The following RAVER2 variants were observed in gnomAD, a reference collection of about 807,000 sequenced individuals.
RAVER2 encodes the protein ribonucleoprotein PTB-binding 2.
In RAVER2, 46 loss-of-function variants were observed where a neutral mutation model predicts 78.1. The observed-to-expected ratio is 0.59, with a 90% CI of 0.46 to 0.75. The LOEUF (loss-of-function observed/expected upper bound fraction) is 0.75, where lower values mean the gene tolerates loss of function less well. Among genes scored for constraint, RAVER2 ranks in the 30% least tolerant of loss-of-function variants. RAVER2 has a pLI of 0.00. For missense variants in RAVER2, 793 were observed against 837.5 expected, an observed-to-expected ratio of 0.95 and a Z score of 0.66; for synonymous variants, 311 against 313.3, an observed-to-expected ratio of 0.99 and a Z score of 0.08.
chr1:64,793,045 G>A (rs1433842112), intron 5 of RAVER2, among the ~76,000 whole-genome samples: 1 of 151,946 alleles, frequency 6.6e-6, no homozygotes, highest in African/African-American at 2.4e-5. Flanking sequence ...TCTACTAAAA[G>A]TACAAACATT....
At chr1:64,801,064 T>C (rs1287022853) in intron 5 of RAVER2, among the ~76,000 whole-genome samples, 1 of 149,310 alleles carries the variant, frequency 6.7e-6, no homozygotes, top group African/African-American at 2.5e-5. Context: ...CTGGACACTG[T>C]TTGTATATTT....
chr1:64,764,174 A>C (rs1652108977), intron 1 of RAVER2, among the ~76,000 whole-genome samples: 1 of 152,212 alleles, frequency 6.6e-6, no homozygotes, highest in Non-Finnish European at 1.5e-5. Flanking sequence ...TATTTAGGAC[A>C]GTATAATATT....
At chr1:64,755,220 T>G (rs1651818257) in intron 1 of RAVER2, among the ~76,000 whole-genome samples, 1 of 152,210 alleles carries the variant, frequency 6.6e-6, no homozygotes, top group South Asian at 2.1e-4. Flanking sequence ...TATCCTGATT[T>G]CTTAGTAAGA....
exon 12 of RAVER2, chr1:64,830,892 A>G: frequency 6.2e-7 from 1 of 1,613,108 alleles, no homozygotes; most frequent in Non-Finnish European, 8.5e-7. Flanking sequence ...TCTCTGCCCC[A>G]GAAGGTGGTT....
chr1:64,780,289 A>C (rs958966997), intron 3 of RAVER2, among the ~76,000 whole-genome samples: 8 of 152,144 alleles, frequency 5.3e-5, no homozygotes, highest in African/African-American at 1.9e-4. Context: ...GGATTATAAG[A>C]GGAATAGGGT....
exon 8 of RAVER2, chr1:64,805,032 G>A (rs759085960): frequency 1.2e-6 from 2 of 1,614,014 alleles, no homozygotes; most frequent in Non-Finnish European, 1.7e-6. Context: ...TGGTACTTCA[G>A]ACTGCACTAG....
chr1:64,769,243 G>T (rs1296328105), intron 2 of RAVER2, among the ~76,000 whole-genome samples: 2 of 151,852 alleles, frequency 1.3e-5, no homozygotes, highest in East Asian at 3.9e-4. Flanking sequence ...TTATCAAATG[G>T]TAATATTTTG....
At chr1:64,804,588 T>C (rs927841061) in intron 6 of RAVER2, 146 bp from the exon 7 acceptor site, 1 of 478,192 alleles carries the variant, frequency 2.1e-6, no homozygotes. Context: ...ATTAATTAGC[T>C]TTGTCTGATA....
intron 2 of RAVER2, among the ~76,000 whole-genome samples, chr1:64,770,899 GAA>G: frequency 6.6e-6 from 1 of 151,884 alleles, no homozygotes; most frequent in East Asian, 1.9e-4. Flanking sequence ...AACACAGAGA[GAA>G]AAAAGACTGT....
At chr1:64,773,712 G>A (rs950487702) in intron 2 of RAVER2, among the ~76,000 whole-genome samples, 1 of 152,188 alleles carries the variant, frequency 6.6e-6, no homozygotes, top group Admixed American at 6.5e-5. Flanking sequence ...GGGATAGCTA[G>A]GTTAAATGAT....
At chr1:64,804,926 G>A (rs72675429) in intron 7 of RAVER2, 65 bp from the exon 8 acceptor site, 62 of 1,539,166 alleles carry the variant, frequency 4.0e-5, no homozygotes, top group Non-Finnish European at 4.9e-5. Context: ...GAATTTTCAC[G>A]TGTGTAGCTT....
chr1:64,799,235 G>C (rs899083080), intron 5 of RAVER2, among the ~76,000 whole-genome samples: 3 of 152,064 alleles, frequency 2.0e-5, no homozygotes, highest in East Asian at 1.9e-4. Flanking sequence ...TGTCCTCCAG[G>C]TTGCTGCAAA....
chr1:64,823,802 ATTTT>A (rs759134955), intron 11 of RAVER2, among the ~76,000 whole-genome samples: 2 of 122,836 alleles, frequency 1.6e-5, no homozygotes. Context: ...GTAAGTTGTG[ATTTT>A]TTTTTTTTTT....
intron 1 of RAVER2, among the ~76,000 whole-genome samples, chr1:64,748,380 C>T (rs1651600977): frequency 6.6e-6 from 1 of 152,200 alleles, no homozygotes; most frequent in Non-Finnish European, 1.5e-5. Flanking sequence ...ATTTTAGCTC[C>T]TTCTGCATGC....
chr1:64,818,430 G>T (rs1653805169), intron 11 of RAVER2, among the ~76,000 whole-genome samples: 1 of 152,144 alleles, frequency 6.6e-6, no homozygotes, highest in African/African-American at 2.4e-5. Context: ...CAGCTACTTG[G>T]GAGGCTGAGG....
At chr1:64,788,920 GCTGAT>G (rs1652861011) in intron 4 of RAVER2, among the ~76,000 whole-genome samples, 1 of 152,052 alleles carries the variant, frequency 6.6e-6, no homozygotes, top group Non-Finnish European at 1.5e-5. Flanking sequence ...TGTCACCCAG[GCTGAT>G]CTTGACCTCC....
intron 1 of RAVER2, among the ~76,000 whole-genome samples, chr1:64,755,426 A>C (rs1215757444): frequency 6.6e-6 from 1 of 152,044 alleles, no homozygotes; most frequent in African/African-American, 2.4e-5. Context: ...TTTTATTTCC[A>C]TATGAATGCC....
chr1:64,824,755 C>A (rs959173684), intron 11 of RAVER2, among the ~76,000 whole-genome samples: 8 of 151,546 alleles, frequency 5.3e-5, no homozygotes, highest in African/African-American at 1.9e-4. Context: ...CAGGGCGAAA[C>A]CCCGTCTCTA....
rs1189504237 is a variant in RAVER2, at chr1:64,778,125, T to A, written c.786+33T>A. 5 of 1,429,122 alleles carry A rather than the reference T, an allele frequency of 3.5e-6. No individual in the cohort carries two copies. The East Asian group carries it at 9.8e-5, about 28-fold the overall frequency. 88.5% of individuals were successfully genotyped at this position (1,429,122 alleles called of 1,614,324 possible). ...TTTTTAAGAGATTATTGAAATATTT[T>A]AAAATATATACATATGTATCTAATC... is the stretch of plus-strand genomic sequence containing the variant. On this transcript the variant is annotated intron_variant, in intron 3 of 11. Coordinates refer to ENST00000294428, the Ensembl canonical transcript of RAVER2.
Sources: allele counts gnomAD v4.1 joint callset (sites outside exome capture counted in the v4.1 genomes callset), GRCh38; gene constraint gnomAD v4.1.1; transcripts MANE v1.5; gene names NCBI Gene and HGNC (gene_info 2026-07-23, HGNC 2026-07-21).